CAVIN4: variants seen among roughly 807,000 people sequenced by gnomAD.
CAVIN4 encodes the protein caveolae-associated protein 4.
In CAVIN4, 10 loss-of-function variants were observed where a neutral mutation model predicts 18.6. The ratio of observed to expected loss-of-function variants is 0.54; its 90% confidence interval spans 0.33 to 0.91. CAVIN4 has a LOEUF of 0.91. Among genes scored for constraint, CAVIN4 ranks in the 40% least tolerant of loss-of-function variants. CAVIN4 has a pLI of 0.02. For missense variants in CAVIN4, 459 were observed against 440.5 expected (o/e 1.04, Z -0.38); for synonymous variants, 173 against 164.8 (o/e 1.05, Z -0.38).
At chr9:100,583,562 G>A (rs1222486907) in intron 1 of CAVIN4, among the ~76,000 whole-genome samples, 1 of 152,122 alleles carries the variant, frequency 6.6e-6, no homozygotes, top group African/African-American at 2.4e-5. Context: ...TTTCAACAGA[G>A]TGATGCTTTT....
chr9:100,586,054 G>A lies in CAVIN4; in HGVS notation c.698G>A (p.Arg233Lys). Residue 233 changes from arginine to lysine, a missense_variant, in exon 2 of 2, where the codon AGG becomes AAG. Physicochemically the swap from Arg to Lys is conservative, Grantham distance 26 (BLOSUM62 2). Transcript: ENST00000307584. The part of the protein sequence containing the change: ...TRIVTPERRE[R>K]LRQSGERLRQ... ...ATAGTGACCCCGGAGAGGAGAGAGAGGCTAAGGCAGTCAGGAGAGAGGCTG... is the reference window on the plus strand; with the variant it reads ...ATAGTGACCCCGGAGAGGAGAGAGAAGCTAAGGCAGTCAGGAGAGAGGCTG... 1 of 1,577,542 alleles carries A rather than the reference G, an allele frequency of 6.3e-7. No homozygotes were observed. The highest frequency in any genetic ancestry group is 8.7e-7 in the Non-Finnish European group (1 of 1,147,216).
chr9:100,584,323 C>T (rs12683889), intron 1 of CAVIN4, among the ~76,000 whole-genome samples: 7,975 of 152,232 alleles, frequency 0.052, 398 homozygotes, highest in South Asian at 0.2. Flanking sequence ...AGCTCTTTCA[C>T]TCTTTTGTCT....
At chr9:100,582,942 GC>G in intron 1 of CAVIN4, among the ~76,000 whole-genome samples, 1 of 151,104 alleles carries the variant, frequency 6.6e-6, no homozygotes, top group Middle Eastern at 3.4e-3. Flanking sequence ...ATTTTTTTTT[GC>G]CACAGAAATG....
chr9:100,578,872 A>G (rs1839399783), intron 1 of CAVIN4, among the ~76,000 whole-genome samples: 1 of 152,186 alleles, frequency 6.6e-6, no homozygotes, highest in Non-Finnish European at 1.5e-5. Context: ...AAGCCCTCTC[A>G]TAGACTTTGA....
chr9:100,585,718 A>G (rs766453974), intron 1 of CAVIN4, 47 bp from the exon 2 acceptor site: 42 of 1,438,400 alleles, frequency 2.9e-5, no homozygotes, highest in South Asian at 4.6e-5. Context: ...GAGCTGCTCT[A>G]TAGTGCAAAG....
At chr9:100,579,021 T>C (rs1476465670) in intron 1 of CAVIN4, among the ~76,000 whole-genome samples, 1 of 152,210 alleles carries the variant, frequency 6.6e-6, no homozygotes, top group African/African-American at 2.4e-5. Flanking sequence ...ACAGTAGATA[T>C]AAACTTTTCA....
rs1456041028 is a variant in CAVIN4 at position 100,585,844 on chromosome 9, A to AT, written c.489dup (p.Ile164TyrfsTer3). On this transcript the variant is annotated frameshift_variant, in exon 2 of 2. Coordinates refer to ENST00000307584, the MANE Select transcript of CAVIN4 (RefSeq NM_001018116.2). LOFTEE classifies it high-confidence loss of function. The stretch of plus-strand genomic sequence containing the variant: ...GAGAACCAAGAAGAGGATGATGATG[A>AT]TATCTTTGATCCCCCAGTAGATCTG... The AT allele has an allele frequency of 1.9e-6, 3 of 1,614,052 alleles. No homozygotes were observed. Among genetic ancestry groups the AT allele is most frequent in the Non-Finnish European group, 2.5e-6 (3 of 1,180,004 alleles).
At chr9:100,584,835 G>A (rs979280433) in intron 1 of CAVIN4, among the ~76,000 whole-genome samples, 1 of 152,170 alleles carries the variant, frequency 6.6e-6, no homozygotes, top group Non-Finnish European at 1.5e-5. Flanking sequence ...GAGTAATATA[G>A]TGAGACCCCG....
intron 1 of CAVIN4, chr9:100,581,477 A>G (rs558061036): frequency 3.9e-5 from 6 of 152,240 alleles, no homozygotes; most frequent in Non-Finnish European, 5.9e-5. Flanking sequence ...GGAGTTTTAT[A>G]TTAAAAGATA....
intron 1 of CAVIN4, among the ~76,000 whole-genome samples, chr9:100,582,944 C>T (rs1839442558): frequency 6.6e-6 from 1 of 151,630 alleles, no homozygotes; most frequent in South Asian, 2.1e-4. Flanking sequence ...TTTTTTTTGC[C>T]ACAGAAATGT....
At chr9:100,583,344 G>C (rs1314664732) in intron 1 of CAVIN4, among the ~76,000 whole-genome samples, 5 of 152,080 alleles carry the variant, frequency 3.3e-5, no homozygotes, top group Admixed American at 6.6e-5. Flanking sequence ...TCTTTCATCT[G>C]CTCAGGCCAT....
Position 100,578,491 on chromosome 9 carries a change from A to T in CAVIN4, c.348A>T (p.Lys116Asn). The T allele has an allele frequency of 1.2e-6, 2 of 1,613,950 alleles. No homozygotes were observed. Among genetic ancestry groups the T allele is most frequent in the Non-Finnish European group, 1.7e-6 (2 of 1,179,968 alleles). Residue 116 changes from lysine (K) to asparagine (N), a missense_variant, in exon 1 of 2, where the codon AAA becomes AAT. Transcript: ENST00000307584. Reference sequence around the variant, plus strand: ...AGAAGCAACAAATTCATGTTAAAAAAGTTGAAGTCAAGCAAGAGGAAATAA... The same window carrying T: ...AGAAGCAACAAATTCATGTTAAAAATGTTGAAGTCAAGCAAGAGGAAATAA... ...RVEKQQIHVK[K>N]VEVKQEEIMK...
intron 1 of CAVIN4, among the ~76,000 whole-genome samples, chr9:100,583,928 A>T (rs1839452372): frequency 6.6e-6 from 1 of 152,214 alleles, no homozygotes; most frequent in African/African-American, 2.4e-5. Flanking sequence ...TACAGGTGTG[A>T]GCCACTGCAC....
chr9:100,581,027 A>C (rs1239718639), intron 1 of CAVIN4: 9 of 152,218 alleles, frequency 5.9e-5, no homozygotes, highest in African/African-American at 2.2e-4. Flanking sequence ...ATTCAGCCAT[A>C]GTAAAAATTA....
Position 100,578,281 on chromosome 9 carries a change from T to C in CAVIN4, c.138T>C (p.Ser46=), listed in dbSNP as rs768100531. The C allele has an allele frequency of 1.9e-5, 31 of 1,613,848 alleles. No homozygotes were observed. In the Admixed American group the frequency reaches 4.8e-4, roughly 25 times the overall value. Residue 46 remains serine (S), a synonymous_variant, in exon 1 of 2, where the codon AGT becomes AGC. Coordinates refer to ENST00000307584, the MANE Select transcript of CAVIN4 (RefSeq NM_001018116.2). ...ACAAAGTAGCCTCCATCGTGGACAG[T>C]GTGCAGGCAAGCCAGAAGAGAATAG... ...VLDKVASIVD[S]VQASQKRIEE...
At chr9:100,584,090 C>A (rs528587523) in intron 1 of CAVIN4, among the ~76,000 whole-genome samples, 3 of 152,190 alleles carry the variant, frequency 2.0e-5, no homozygotes, top group Admixed American at 6.5e-5. Flanking sequence ...CACCACACGG[C>A]CCTCCCCACT....
chr9:100,584,211 G>A (rs945414968), intron 1 of CAVIN4, among the ~76,000 whole-genome samples: 13 of 152,120 alleles, frequency 8.5e-5, no homozygotes, highest in South Asian at 2.1e-4. Context: ...CTTCCTTGTC[G>A]CTGCATATTC....
At chr9:100,580,246 A>T (rs1350086782) in intron 1 of CAVIN4, among the ~76,000 whole-genome samples, 1 of 152,078 alleles carries the variant, frequency 6.6e-6, no homozygotes. Context: ...GTGAGCCATG[A>T]TTGTGCCACT....
Position 100,586,329 on chromosome 9 carries a change from G to A in CAVIN4, c.973G>A (p.Val325Met), listed in dbSNP as rs369823650. 2.2e-5 allele frequency: 35 copies of A among 1,613,888 alleles called. No individual in the cohort carries two copies. Among genetic ancestry groups the A allele is most frequent in the East Asian group, 6.7e-5 (3 of 44,866 alleles). ...ACCAGAACACGAGGCAGCCAGGCCG[G>A]TGTATCCTCCCCATGAAGGAAGGGA... ...SEPEHEAARP[V>M]YPPHEGREIP... The change falls in exon 2 of 2, where the codon GTG (valine) becomes ATG (methionine). Residue 325 changes from valine to methionine, a missense_variant. Val to Met is a conservative substitution (Grantham distance 21, BLOSUM62 1). Coordinates refer to ENST00000307584, the MANE Select transcript of CAVIN4 (RefSeq NM_001018116.2).
Sources: gnomAD v4.1 joint callset for allele counts (sites outside exome capture counted in the v4.1 genomes callset) on GRCh38, gnomAD v4.1.1 for gene constraint, MANE v1.5 for transcripts, NCBI Gene and HGNC (gene_info 2026-07-23, HGNC 2026-07-21) for gene names.